The following CSMD1 variants were observed in gnomAD, a reference collection of about 807,000 sequenced individuals.
CSMD1 encodes the protein CUB and Sushi multiple domains 1, also known as CUB and sushi domain-containing protein 1.
In CSMD1, 213 loss-of-function variants were observed where a neutral mutation model predicts 417.5. The ratio of observed to expected loss-of-function variants is 0.51; its 90% confidence interval spans 0.46 to 0.57. The LOEUF (loss-of-function observed/expected upper bound fraction) is 0.57. Ranked by LOEUF, CSMD1 falls within the 20% of genes least tolerant of loss-of-function variation. CSMD1 has a pLI of 0.00. For missense variants in CSMD1, 6,923 were observed against 4,529.7 expected, an observed-to-expected ratio of 1.53 and a Z score of -15.17; for synonymous variants, 2,862 against 1,736.8, an observed-to-expected ratio of 1.65 and a Z score of -16.11.
chr8:3,583,193 T>C (rs952259569), intron 9 of CSMD1, among the ~76,000 whole-genome samples: 4 of 151,972 alleles, frequency 2.6e-5, no homozygotes, highest in Non-Finnish European at 5.9e-5. Context: ...AGTTCCCTGA[T>C]CTAAGCCCAC....
At chr8:4,479,951 G>C (rs1305559928) in intron 2 of CSMD1, among the ~76,000 whole-genome samples, 2 of 147,290 alleles carry the variant, frequency 1.4e-5, no homozygotes, top group Non-Finnish European at 3.0e-5. Context: ...GGGTGACACA[G>C]CAAGTCTCTG....
intron 5 of CSMD1, among the ~76,000 whole-genome samples, chr8:3,774,429 A>G (rs962288873): frequency 4.6e-5 from 7 of 152,114 alleles, no homozygotes; most frequent in Admixed American, 1.3e-4. Flanking sequence ...GCTTTCCACC[A>G]TGATATCTCC....
intron 19 of CSMD1, among the ~76,000 whole-genome samples, chr8:3,368,280 T>A (rs1167426914): frequency 6.6e-6 from 1 of 152,160 alleles, no homozygotes; most frequent in East Asian, 1.9e-4. Context: ...GGTTCAAATC[T>A]ATGTGAAAAG....
chr8:3,312,896 CCCT>C (rs1192486197), intron 23 of CSMD1, among the ~76,000 whole-genome samples: 1 of 152,156 alleles, frequency 6.6e-6, no homozygotes, highest in East Asian at 1.9e-4. Flanking sequence ...CCTGCTGTTT[CCCT>C]CTCTGCAAAT....
intron 5 of CSMD1, among the ~76,000 whole-genome samples, chr8:3,851,587 G>A (rs1803909078): frequency 6.6e-6 from 1 of 152,098 alleles, no homozygotes; most frequent in African/African-American, 2.4e-5. Flanking sequence ...GCCAAGGGAG[G>A]GCAGGGTTGT....
chr8:3,867,554 G>T (rs993676464), intron 5 of CSMD1, among the ~76,000 whole-genome samples: 1 of 152,050 alleles, frequency 6.6e-6, no homozygotes. Flanking sequence ...AGTGAGAGAC[G>T]TCTAATCCTC....
intron 3 of CSMD1, among the ~76,000 whole-genome samples, chr8:4,276,232 C>T (rs1796478204): frequency 1.3e-5 from 2 of 152,140 alleles, no homozygotes; most frequent in African/African-American, 4.8e-5. Context: ...AAATGCCCAT[C>T]AACGATAGAC....
At chr8:4,734,885 C>T (rs138641715) in intron 1 of CSMD1, among the ~76,000 whole-genome samples, 1 of 152,200 alleles carries the variant, frequency 6.6e-6, no homozygotes, top group Non-Finnish European at 1.5e-5. Flanking sequence ...CCCCAGCCAG[C>T]AGCAGGCTGG....
rs1563419612 is a variant in CSMD1, at chr8:4,303,420, C to CTTTTTTTTTTTTTTTTTTTTTTTTTTTTT, written c.415+116532_415+116533insAAAAAAAAAAAAAAAAAAAAAAAAAAAAA. 6.5e-5 allele frequency among the ~76,000 whole-genome samples: 6 copies of CTTTTTTTTTTTTTTTTTTTTTTTTTTTTT among 92,318 alleles called. 1 individual carries two copies. The highest frequency in any genetic ancestry group is 1.0e-4 in the Non-Finnish European group (5 of 48,478). 60.6% of individuals were successfully genotyped at this position (92,318 alleles called of 152,430 possible). A position where few individuals can be genotyped will look rare whatever the true frequency, so the allele number is the denominator to read the frequency against. ...TCTCATTTATATATTGGGCAGGAAG[C>CTTTTTTTTTTTTTTTTTTTTTTTTTTTTT]TGTTTTTTTTTTTTTTTTTTTTTTT... On this transcript the variant is annotated intron_variant, in intron 3 of 69. Coordinates refer to ENST00000635120, the MANE Select transcript of CSMD1 (RefSeq NM_033225.6).
At chr8:4,037,743 C>A (rs1195980251) in intron 3 of CSMD1, among the ~76,000 whole-genome samples, 1 of 152,082 alleles carries the variant, frequency 6.6e-6, no homozygotes, top group Non-Finnish European at 1.5e-5. Context: ...ATGACTCTAT[C>A]AGATTTTACT....
chr8:3,768,347 C>A (rs1798397617), intron 5 of CSMD1, among the ~76,000 whole-genome samples: 1 of 152,160 alleles, frequency 6.6e-6, no homozygotes, highest in Admixed American at 6.5e-5. Flanking sequence ...AGCTCATCTT[C>A]AATATGATTG....
chr8:4,421,473 A>C (rs942053489), intron 2 of CSMD1, among the ~76,000 whole-genome samples: 1 of 152,190 alleles, frequency 6.6e-6, no homozygotes, highest in Non-Finnish European at 1.5e-5. Context: ...AACTGAAATC[A>C]TATAGCGTGT....
chr8:4,653,535 CTCAATA>C (rs1263312559), intron 1 of CSMD1, among the ~76,000 whole-genome samples: 1 of 152,036 alleles, frequency 6.6e-6, no homozygotes, highest in East Asian at 1.9e-4. Flanking sequence ...GCAACCCATG[CTCAATA>C]TCATTTCTAC....
intron 2 of CSMD1, among the ~76,000 whole-genome samples, chr8:4,433,899 A>C (rs1189925626): frequency 6.6e-6 from 1 of 152,162 alleles, no homozygotes; most frequent in Non-Finnish European, 1.5e-5. Flanking sequence ...AATCCTACAA[A>C]AGTCAGGATA....
At chr8:4,657,257 G>A (rs1003770146) in intron 1 of CSMD1, among the ~76,000 whole-genome samples, 2 of 152,150 alleles carry the variant, frequency 1.3e-5, no homozygotes, top group African/African-American at 2.4e-5. Flanking sequence ...AAACAAGAAG[G>A]AAAAACTAAG....
At chr8:4,357,891 T>C (rs914381995) in intron 3 of CSMD1, among the ~76,000 whole-genome samples, 2 of 152,140 alleles carry the variant, frequency 1.3e-5, no homozygotes, top group African/African-American at 4.8e-5. Flanking sequence ...CATAGACGTA[T>C]AATTGTAGTA....
At chr8:4,164,495 C>T (rs1200831159) in intron 3 of CSMD1, among the ~76,000 whole-genome samples, 7 of 152,006 alleles carry the variant, frequency 4.6e-5, no homozygotes, top group Admixed American at 4.6e-4. Context: ...AACGCAATGC[C>T]AGCTAATCCT....
rs541541689 is a variant in CSMD1 at position 4,824,853 on chromosome 8, C to G, written c.85+169479G>C. Among the ~76,000 whole-genome samples, 46 of 152,148 alleles carry G rather than the reference C, an allele frequency of 3.0e-4. 1 individual carries two copies. Among genetic ancestry groups the G allele is most frequent in the African/African-American group, 1.1e-3 (45 of 41,548 alleles). On this transcript the variant is annotated intron_variant, in intron 1 of 69. Coordinates refer to ENST00000635120, the MANE Select transcript of CSMD1 (RefSeq NM_033225.6). ...ATATTTAAGAAACAATCTGTATCTC[C>G]AAGTGAAATGTCATTGTAATAGAAC... is the stretch of plus-strand genomic sequence containing the variant.
intron 1 of CSMD1, among the ~76,000 whole-genome samples, chr8:4,675,626 T>C (rs1036627726): frequency 6.6e-6 from 1 of 152,072 alleles, no homozygotes; most frequent in Non-Finnish European, 1.5e-5. Context: ...AGAATAAACA[T>C]AAAAAAAGTA....
Sources: gnomAD v4.1 joint callset for allele counts (sites outside exome capture counted in the v4.1 genomes callset) on GRCh38, gnomAD v4.1.1 for gene constraint, MANE v1.5 for transcripts, NCBI Gene and HGNC (gene_info 2026-07-23, HGNC 2026-07-21) for gene names.